SLC24A2: variants seen among roughly 807,000 people sequenced by gnomAD.
SLC24A2 encodes the protein sodium/potassium/calcium exchanger 2.
Under a neutral mutation model 62.0 loss-of-function variants are expected in SLC24A2, and 36 were observed. That is an observed-to-expected ratio of 0.58 (90% CI 0.44 to 0.77). SLC24A2 has a LOEUF of 0.77. Ranked by LOEUF, SLC24A2 falls within the 30% of genes least tolerant of loss-of-function variation. The pLI is 0.00. For synonymous variants in SLC24A2, 358 were observed against 294.0 expected (o/e 1.22, Z -2.23); for missense variants, 846 against 817.9 (o/e 1.03, Z -0.42).
At chr9:19,738,669 AATTT>A (rs1433714831) in intron 2 of SLC24A2, among the ~76,000 whole-genome samples, 1 of 152,186 alleles carries the variant, frequency 6.6e-6, no homozygotes, top group East Asian at 1.9e-4. Flanking sequence ...AATATACTAC[AATTT>A]ATTTATTCAT....
chr9:19,927,860 G>A, the SLC24A2 span: 1 of 152,338 alleles, frequency 6.6e-6, no homozygotes, highest in Admixed American at 6.5e-5. Flanking sequence ...AGCTCAGTAA[G>A]GGACCAAACC....
rs1269836050 is a variant in SLC24A2, at chr9:19,513,089, G to A, written c.*3064C>T. On this transcript the variant is annotated 3_prime_UTR_variant, in exon 11 of 11. Transcript: ENST00000341998. ...TGCTCCCTGCTTTAGAATCCTGAAT[G>A]TGATAGGGTCAGAGGGTGATGATGT... The A allele has an allele frequency of 6.7e-6, 1 of 149,792 alleles. No homozygotes were observed. The highest frequency in any genetic ancestry group is 1.5e-5 in the Non-Finnish European group (1 of 67,800). The allele number at this position is 149,792 out of a possible 1,614,324, so 9.3% of individuals were successfully genotyped here.
chr9:19,550,560 C>T (rs766548022), intron 7 of SLC24A2, among the ~76,000 whole-genome samples: 24 of 152,206 alleles, frequency 1.6e-4, no homozygotes, highest in African/African-American at 5.5e-4. Context: ...AACTACAATT[C>T]ACGAGCTTCT....
chr9:20,094,730 A>C, the SLC24A2 span, among the ~76,000 whole-genome samples: 1 of 152,202 alleles, frequency 6.6e-6, no homozygotes, highest in African/African-American at 2.4e-5. Flanking sequence ...AAATTTGTAT[A>C]ACTAAATGTG....
the SLC24A2 span, among the ~76,000 whole-genome samples, chr9:19,909,934 G>A: frequency 6.6e-6 from 1 of 151,952 alleles, no homozygotes; most frequent in Admixed American, 6.6e-5. Context: ...CTGCAAACAT[G>A]TTCAAATTTT....
At chr9:19,567,208 A>G (rs912490621) in intron 7 of SLC24A2, among the ~76,000 whole-genome samples, 3 of 151,614 alleles carry the variant, frequency 2.0e-5, no homozygotes, top group African/African-American at 7.2e-5. Context: ...TTTTGGAAAC[A>G]AAAACCAAAC....
the SLC24A2 span, among the ~76,000 whole-genome samples, chr9:20,234,283 G>C: frequency 3.9e-5 from 6 of 152,176 alleles, no homozygotes; most frequent in African/African-American, 7.2e-5. Context: ...TGCCTTGCTA[G>C]ATTGGGGAAG....
chr9:19,786,573 A>C lies in SLC24A2; in HGVS notation c.294T>G (p.Thr98=). 1 of 1,614,138 alleles carries C rather than the reference A, an allele frequency of 6.2e-7. No homozygotes were observed. The highest frequency in any genetic ancestry group is 8.5e-7 in the Non-Finnish European group (1 of 1,180,014). The change falls in exon 2 of 11, where the codon ACT becomes ACG. Residue 98 remains threonine, a synonymous_variant. Transcript: ENST00000341998. The surrounding 1 kb of genome is among the most constrained non-coding windows in gnomAD (Gnocchi z 5.0). ...LDLNDKILDY[T]PQPPLSKEGE... is the part of the protein sequence containing the mutation. Reference sequence around the variant, plus strand: ...CTTCCTTAGAAAGAGGTGGCTGTGGAGTATAATCCAGAATCTTGTCATTTA... The same window carrying C: ...CTTCCTTAGAAAGAGGTGGCTGTGGCGTATAATCCAGAATCTTGTCATTTA...
the SLC24A2 span, chr9:19,929,770 T>C: frequency 6.6e-6 from 1 of 152,546 alleles, no homozygotes; most frequent in Non-Finnish European, 1.5e-5. Context: ...GACAGCTCCA[T>C]GCATGTTATT....
the SLC24A2 span, among the ~76,000 whole-genome samples, chr9:20,303,873 G>A: frequency 6.6e-6 from 1 of 152,104 alleles, no homozygotes; most frequent in Non-Finnish European, 1.5e-5. Flanking sequence ...ACAGGGCAGG[G>A]GGCTCTCAGC....
chr9:19,647,305 C>T (rs1818671609), intron 2 of SLC24A2, among the ~76,000 whole-genome samples: 1 of 152,280 alleles, frequency 6.6e-6, no homozygotes, highest in Admixed American at 6.5e-5. Context: ...AAAGCCACCC[C>T]TTTTTTCTAA....
intron 2 of SLC24A2, among the ~76,000 whole-genome samples, chr9:19,670,088 TATC>T (rs1286193514): frequency 7.2e-5 from 11 of 152,120 alleles, no homozygotes; most frequent in African/African-American, 2.7e-4. Flanking sequence ...CTCTGTGAAA[TATC>T]ATTCCGTCTC....
chr9:19,887,813 G>T, the SLC24A2 span, among the ~76,000 whole-genome samples: 61,909 of 152,014 alleles, frequency 0.41, 13,192 homozygotes, highest in East Asian at 0.84. Context: ...TATATGATGG[G>T]ACACCACTCA....
At chr9:19,516,610 C>G (rs569159430) in intron 10 of SLC24A2, among the ~76,000 whole-genome samples, 1 of 152,176 alleles carries the variant, frequency 6.6e-6, no homozygotes, top group Non-Finnish European at 1.5e-5. Flanking sequence ...TATGTCCTGA[C>G]TGAATTCAGA....
At chr9:19,776,078 T>C (rs946497243) in intron 2 of SLC24A2, among the ~76,000 whole-genome samples, 3 of 152,234 alleles carry the variant, frequency 2.0e-5, no homozygotes, top group Non-Finnish European at 4.4e-5. Flanking sequence ...TATGCACATA[T>C]GTATGTGTGC....
intron 8 of SLC24A2, among the ~76,000 whole-genome samples, chr9:19,541,914 C>T (rs1380651801): frequency 6.6e-6 from 1 of 152,120 alleles, no homozygotes; most frequent in African/African-American, 2.4e-5. Flanking sequence ...CCTGGTGCGC[C>T]GTTTTTCAAG....
At chr9:19,958,191 A>C in the SLC24A2 span, 1 of 152,022 alleles carries the variant, frequency 6.6e-6, no homozygotes, top group Non-Finnish European at 1.5e-5. Flanking sequence ...GTGGGGAGGG[A>C]TATCTTGCCT....
the SLC24A2 span, among the ~76,000 whole-genome samples, chr9:19,921,509 G>C: frequency 2.7e-5 from 3 of 112,184 alleles, no homozygotes; most frequent in East Asian, 7.8e-4. Flanking sequence ...GACAGAGCGA[G>C]ACTCCGTGTA....
chr9:20,237,022 C>A, the SLC24A2 span, among the ~76,000 whole-genome samples: 1 of 152,022 alleles, frequency 6.6e-6, no homozygotes, highest in African/African-American at 2.4e-5. Context: ...GTGTCTCACA[C>A]TGTCAGGCTA....
Sources: gnomAD v4.1 joint callset for allele counts (sites outside exome capture counted in the v4.1 genomes callset) on GRCh38, gnomAD v4.1.1 for gene constraint, Gnocchi (gnomAD v3.1) non-coding constraint, MANE v1.5 for transcripts, NCBI Gene and HGNC (gene_info 2026-07-23, HGNC 2026-07-21) for gene names.